TRDN: variants seen among roughly 807,000 people sequenced by gnomAD.
The protein encoded by TRDN is triadin in skeletal muscle.
TRDN carries 161 observed loss-of-function variants against 149.7 expected under a neutral mutation model. That is an observed-to-expected ratio of 1.08 (90% CI 0.95 to 1.23). TRDN has a LOEUF of 1.23. Among genes scored for constraint, TRDN ranks in the 50% most tolerant of loss-of-function variants. TRDN has a pLI of 0.00. For synonymous variants in TRDN, 294 were observed against 250.5 expected, an observed-to-expected ratio of 1.17 and a Z score of -1.64; for missense variants, 896 against 823.5, an observed-to-expected ratio of 1.09 and a Z score of -1.08.
chr6:123,299,485 A>C (rs1335568598), intron 24 of TRDN, among the ~76,000 whole-genome samples: 2 of 152,024 alleles, frequency 1.3e-5, no homozygotes, highest in African/African-American at 4.8e-5. Flanking sequence ...TCAAATAAAT[A>C]GTCCTGTTTT....
At chr6:123,483,810 T>C (rs947858342) in intron 9 of TRDN, among the ~76,000 whole-genome samples, 1 of 152,154 alleles carries the variant, frequency 6.6e-6, no homozygotes, top group South Asian at 2.1e-4. Flanking sequence ...CTGAGATTGA[T>C]TAATAGAACA....
At chr6:123,454,193 T>C (rs1775966211) in intron 10 of TRDN, among the ~76,000 whole-genome samples, 2 of 152,048 alleles carry the variant, frequency 1.3e-5, no homozygotes, top group East Asian at 1.9e-4. Flanking sequence ...ACTTCTCGGA[T>C]GATGGGTGCA....
intron 7 of TRDN, among the ~76,000 whole-genome samples, chr6:123,509,041 C>T (rs1779049278): frequency 6.6e-6 from 1 of 151,776 alleles, no homozygotes; most frequent in Non-Finnish European, 1.5e-5. Flanking sequence ...TACACATATA[C>T]ACATACATAT....
intron 21 of TRDN, chr6:123,351,365 C>T (rs1780457337): frequency 1.0e-6 from 1 of 981,948 alleles, no homozygotes; most frequent in African/African-American, 1.8e-5. Flanking sequence ...TAAATTTAGA[C>T]TCAGGAACAC....
intron 12 of TRDN, among the ~76,000 whole-genome samples, chr6:123,432,713 CACT>C (rs796789041): frequency 1.8e-4 from 28 of 152,134 alleles, no homozygotes; most frequent in African/African-American, 6.8e-4. Context: ...TCTTTCACTC[CACT>C]GACTGCCCTT....
chr6:123,373,426 GC>G, intron 19 of TRDN, among the ~76,000 whole-genome samples: 1 of 152,210 alleles, frequency 6.6e-6, no homozygotes, highest in South Asian at 2.1e-4. Flanking sequence ...TTGGTAAATT[GC>G]CCAGTGTGGG....
At chr6:123,351,186 A>AT (rs1780450795) in intron 21 of TRDN, 1 of 983,868 alleles carries the variant, frequency 1.0e-6, no homozygotes, top group African/African-American at 1.7e-5. Flanking sequence ...AATTTATGTC[A>AT]TCTGTGTTGA....
chr6:123,281,529 T>C (rs1317671073), intron 24 of TRDN, among the ~76,000 whole-genome samples: 2 of 152,070 alleles, frequency 1.3e-5, no homozygotes, highest in Non-Finnish European at 2.9e-5. Flanking sequence ...TAGGAAAGGA[T>C]AATACATAGT....
chr6:123,287,978 C>A (rs911216650), intron 24 of TRDN, among the ~76,000 whole-genome samples: 1 of 151,676 alleles, frequency 6.6e-6, no homozygotes, highest in Non-Finnish European at 1.5e-5. Flanking sequence ...TTCCAAATTT[C>A]TTTAATTGCA....
At chr6:123,235,772 G>C (rs1190948332) in intron 38 of TRDN, among the ~76,000 whole-genome samples, 2 of 152,090 alleles carry the variant, frequency 1.3e-5, no homozygotes, top group Non-Finnish European at 2.9e-5. Flanking sequence ...TAACCCAATG[G>C]AAGAATCTCA....
chr6:123,547,697 G>A (rs1179978173), intron 3 of TRDN, among the ~76,000 whole-genome samples: 1 of 151,844 alleles, frequency 6.6e-6, no homozygotes, highest in East Asian at 1.9e-4. Flanking sequence ...ATAATTTCAG[G>A]AAAAGTTATA....
Position 123,382,106 on chromosome 6 carries a change from T to C in TRDN, c.1165+12A>G. 6.8e-7 allele frequency: 1 copy of C among 1,476,324 alleles called. No individual in the cohort carries two copies. The highest frequency in any genetic ancestry group is 9.0e-7 in the Non-Finnish European group (1 of 1,113,858). The allele number at this position is 1,476,324 out of a possible 1,614,324, so 91.5% of individuals were successfully genotyped here. On this transcript the variant is annotated intron_variant, in intron 15 of 40. Transcript: ENST00000334268. The stretch of plus-strand genomic sequence containing the variant: ...CAAACATAAGGCAGAAAAAAAGAAA[T>C]ATGTCCAGTACCTTCTGCAGGTTTT...
At chr6:123,500,704 T>C (rs1018551490) in intron 8 of TRDN, among the ~76,000 whole-genome samples, 4 of 152,134 alleles carry the variant, frequency 2.6e-5, no homozygotes, top group Non-Finnish European at 2.9e-5. Context: ...TGATACCTAG[T>C]TGGTGTTCCC....
At chr6:123,591,621 C>T (rs9398736) in intron 1 of TRDN, among the ~76,000 whole-genome samples, 136,545 of 152,230 alleles carry the variant, frequency 0.9, 61,438 homozygotes, top group East Asian at 0.96. Context: ...TCTTTCTGGA[C>T]TGAGTATACA....
rs530873859 is a variant in TRDN at position 123,570,942 on chromosome 6, C to A, written c.213G>T (p.Val71=). Residue 71 remains valine (V), a synonymous_variant, in exon 2 of 41, where the codon GTG becomes GTT. Coordinates refer to ENST00000334268, the MANE Select transcript of TRDN (RefSeq NM_006073.4). ...ACTTACCTGAAAAGTTTTTGTAATC[C>A]ACTAAATCAAACATAACGATGGCAA... ...SAVAIVMFDL[V]DYKNFSASSI... is the part of the protein sequence containing the mutation. 4 of 1,613,522 alleles carry A rather than the reference C, an allele frequency of 2.5e-6. No homozygotes were observed. The South Asian group carries it at 4.4e-5, about 18-fold the overall frequency.
intron 24 of TRDN, among the ~76,000 whole-genome samples, chr6:123,294,985 A>C (rs1778143290): frequency 6.6e-6 from 1 of 152,122 alleles, no homozygotes; most frequent in Non-Finnish European, 1.5e-5. Flanking sequence ...GCAGTCCGTT[A>C]AGATTAAGGA....
chr6:123,390,355 C>G (rs1334516319), intron 13 of TRDN, among the ~76,000 whole-genome samples: 1 of 152,120 alleles, frequency 6.6e-6, no homozygotes, highest in East Asian at 1.9e-4. Flanking sequence ...TAAAATAATA[C>G]ATGAAAAACA....
In TRDN at chr6:123,530,508, T is replaced by G. The variant is rs886039003; in HGVS notation, c.482A>C (p.Lys161Thr). 4.0e-6 allele frequency: 5 copies of G among 1,245,470 alleles called. No homozygotes were observed. The highest frequency in any genetic ancestry group is 5.4e-6 in the Non-Finnish European group (5 of 929,706). The allele number at this position is 1,245,470 out of a possible 1,614,324, so 77.2% of individuals were successfully genotyped here. The change falls in exon 5 of 41, where the codon AAA (lysine) becomes ACA (threonine). Residue 161 changes from lysine to threonine, a missense_variant and splice_region_variant. Lys to Thr is a moderately conservative substitution (Grantham distance 78, BLOSUM62 -1). Transcript: ENST00000334268. Reference protein sequence around the residue: ...QEKPERKIQTKVTHKEKEKGK... With the variant: ...QEKPERKIQTTVTHKEKEKGK... ...TAAACATAAAATGAAATGTTTACCT[T>G]TAGTTTGTATTTTCCTTTCAGGTTT...
chr6:123,412,796 C>A (rs911059056), intron 12 of TRDN, among the ~76,000 whole-genome samples: 1 of 151,594 alleles, frequency 6.6e-6, no homozygotes, highest in African/African-American at 2.4e-5. Context: ...TAAAAAAATT[C>A]TAAATAATAA....
Sources: gnomAD v4.1 joint callset for allele counts (sites outside exome capture counted in the v4.1 genomes callset) on GRCh38, gnomAD v4.1.1 for gene constraint, MANE v1.5 for transcripts, NCBI Gene and HGNC (gene_info 2026-07-23, HGNC 2026-07-21) for gene names.